Variants in IFT81 observed in about 807,000 individuals in gnomAD.
IFT81 encodes the protein intraflagellar transport 81.
Under a neutral mutation model 102.6 loss-of-function variants are expected in IFT81, and 72 were observed. The observed-to-expected ratio is 0.70, with a 90% CI of 0.58 to 0.85. The LOEUF (loss-of-function observed/expected upper bound fraction) is 0.85. IFT81 is among the 40% of genes least tolerant of loss of function. The probability of loss-of-function intolerance (pLI) is 0.00; values close to 1 mark genes in which losing one functional copy is unlikely to be tolerated. For synonymous variants in IFT81, 237 were observed against 242.7 expected, an observed-to-expected ratio of 0.98 and a Z score of 0.22; for missense variants, 723 against 787.3, an observed-to-expected ratio of 0.92 and a Z score of 0.98.
intron 8 of IFT81, among the ~76,000 whole-genome samples, chr12:110,139,905 A>AAATAAAAT (rs1490667147): frequency 2.2e-5 from 3 of 133,962 alleles, no homozygotes; most frequent in African/African-American, 8.7e-5. Context: ...AAATAAAATA[A>AAATAAAAT]AAAATAAAAA....
chr12:110,198,346 G>A (rs1898109512), intron 14 of IFT81, among the ~76,000 whole-genome samples: 1 of 151,514 alleles, frequency 6.6e-6, no homozygotes, highest in Non-Finnish European at 1.5e-5. Context: ...TTGTTGAAGG[G>A]TCGGCTATCA....
intron 10 of IFT81, among the ~76,000 whole-genome samples, chr12:110,155,090 A>G (rs1217571524): frequency 1.3e-5 from 2 of 152,168 alleles, no homozygotes; most frequent in East Asian, 1.9e-4. Flanking sequence ...ATTGCTTATA[A>G]TCTTGCTGTA....
At chr12:110,142,143 A>G (rs559231165) in intron 8 of IFT81, among the ~76,000 whole-genome samples, 2 of 152,304 alleles carry the variant, frequency 1.3e-5, no homozygotes, top group Admixed American at 1.3e-4. Flanking sequence ...ATTTATGTGT[A>G]GGTAGATACT....
At chr12:110,139,854 A>AAT (rs1484942927) in intron 8 of IFT81, among the ~76,000 whole-genome samples, 76 of 108,252 alleles carry the variant, frequency 7.0e-4, no homozygotes, top group African/African-American at 2.3e-3. Flanking sequence ...AAATAAATAA[A>AAT]ATAAAATAAA....
intron 18 of IFT81, among the ~76,000 whole-genome samples, chr12:110,215,396 A>G (rs992147728): frequency 6.8e-6 from 1 of 147,814 alleles, no homozygotes; most frequent in African/African-American, 2.5e-5. Flanking sequence ...TGTCTCTAGC[A>G]CATGGGATTA....
rs184055427 is a variant in IFT81 at position 110,135,629 on chromosome 12, G to A, written c.696+192G>A. On this transcript the variant is annotated intron_variant, in intron 7 of 18. Transcript: ENST00000242591. ...AACACCTGTAATCCCAGCACTTTGG[G>A]AGGCTGAGGCGGGCGAATCAGGAGG... Among the ~76,000 whole-genome samples the A allele has an allele frequency of 6.8e-3, 1,043 of 152,270 alleles. 1 individual carries two copies. The highest frequency in any genetic ancestry group is 9.5e-3 in the Non-Finnish European group (643 of 68,026).
chr12:110,208,514 A>G (rs1245992882), intron 17 of IFT81, among the ~76,000 whole-genome samples: 1 of 152,192 alleles, frequency 6.6e-6, no homozygotes, highest in Non-Finnish European at 1.5e-5. Context: ...TCAAAGGAAA[A>G]AAAAAAGATT....
chr12:110,131,496 G>A (rs1031957630), intron 4 of IFT81, among the ~76,000 whole-genome samples: 1 of 151,794 alleles, frequency 6.6e-6, no homozygotes, highest in Non-Finnish European at 1.5e-5. Context: ...ATAGGTGTGC[G>A]CCACTGTGCC....
intron 7 of IFT81, among the ~76,000 whole-genome samples, chr12:110,136,554 A>G (rs939049231): frequency 3.9e-5 from 6 of 152,226 alleles, no homozygotes; most frequent in African/African-American, 1.4e-4. Flanking sequence ...TCAGTAAATA[A>G]CTAAAGAAAA....
intron 9 of IFT81, 133 bp from the exon 10 acceptor site, chr12:110,146,820 C>G (rs1895250506): frequency 9.1e-7 from 1 of 1,096,196 alleles, no homozygotes. Flanking sequence ...AAAAATTAGT[C>G]TAGGTGAAAC....
intron 10 of IFT81, among the ~76,000 whole-genome samples, chr12:110,157,475 G>GTTTGATTTTA: frequency 6.6e-6 from 1 of 152,152 alleles, no homozygotes; most frequent in East Asian, 1.9e-4. Flanking sequence ...AGTGCCAACA[G>GTTTGATTTTA]TTTGATTTTA....
intron 8 of IFT81, among the ~76,000 whole-genome samples, chr12:110,137,484 A>G (rs912574802): frequency 2.0e-5 from 3 of 152,058 alleles, no homozygotes; most frequent in Admixed American, 6.6e-5. Flanking sequence ...TTATAATCCC[A>G]GCACTTTAGG....
At chr12:110,139,110 C>T (rs1263412418) in intron 8 of IFT81, among the ~76,000 whole-genome samples, 1 of 151,956 alleles carries the variant, frequency 6.6e-6, no homozygotes, top group African/African-American at 2.4e-5. Context: ...CAAAGGCGAG[C>T]AGATCACTTG....
At chr12:110,170,557 C>CA (rs1009174365) in intron 11 of IFT81, among the ~76,000 whole-genome samples, 22 of 152,146 alleles carry the variant, frequency 1.4e-4, no homozygotes, top group African/African-American at 5.3e-4. Context: ...AAAGAGCAAA[C>CA]AAAAAATCAG....
chr12:110,193,211 G>A (rs1897871426), intron 14 of IFT81, among the ~76,000 whole-genome samples: 3 of 151,970 alleles, frequency 2.0e-5, no homozygotes, highest in African/African-American at 7.3e-5. Context: ...TTTAATTTAT[G>A]CTGCTTATTT....
At chr12:110,128,859 C>A in intron 3 of IFT81, 91 bp from the exon 4 acceptor site, 7 of 750,740 alleles carry the variant, frequency 9.3e-6, no homozygotes, top group Non-Finnish European at 1.3e-5. Context: ...GCAATTTGGA[C>A]ATTGTAAATC....
intron 5 of IFT81, among the ~76,000 whole-genome samples, 191 bp downstream of exon 5, chr12:110,132,827 T>C (rs1838292951): frequency 6.6e-6 from 1 of 152,174 alleles, no homozygotes; most frequent in Non-Finnish European, 1.5e-5. Flanking sequence ...AAATTCACGA[T>C]GAGTAGTTAC....
intron 18 of IFT81, among the ~76,000 whole-genome samples, chr12:110,215,450 C>CTTTTTTTTTTTTTTTTT (rs1566176986): frequency 2.0e-5 from 2 of 99,506 alleles, no homozygotes; most frequent in African/African-American, 9.9e-5. Flanking sequence ...TCTTCTTCTT[C>CTTTTTTTTTTTTTTTTT]TTCTTTTTTT....
At chr12:110,173,977 G>GA (rs201896470) in intron 11 of IFT81, among the ~76,000 whole-genome samples, 36 of 149,678 alleles carry the variant, frequency 2.4e-4, no homozygotes, top group South Asian at 1.1e-3. Flanking sequence ...AAAAAAGAAA[G>GA]AAAAAAAAAG....
Sources: gnomAD v4.1 joint callset for allele counts (sites outside exome capture counted in the v4.1 genomes callset) on GRCh38, gnomAD v4.1.1 for gene constraint, MANE v1.5 for transcripts, NCBI Gene and HGNC (gene_info 2026-07-23, HGNC 2026-07-21) for gene names.